FKBP8: variants seen among roughly 807,000 people sequenced by gnomAD.
FKBP8 encodes the protein peptidyl-prolyl cis-trans isomerase FKBP8.
Under a neutral mutation model 41.7 loss-of-function variants are expected in FKBP8, and 5 were observed. The observed-to-expected ratio is 0.12, with a 90% confidence interval of 0.06 to 0.25. The LOEUF is 0.25. FKBP8 is among the 10% of genes least tolerant of loss of function. FKBP8 has a pLI of 1.00. For synonymous variants in FKBP8, 279 were observed against 254.5 expected (o/e 1.10, Z -0.92); for missense variants, 397 against 563.0 (o/e 0.71, Z 2.98).
Position 18,537,400 on chromosome 19 carries a change from C to T in FKBP8, c.945+201G>A, listed in dbSNP as rs968831517. Among the ~76,000 whole-genome samples, 8 of 152,136 alleles carry T rather than the reference C, an allele frequency of 5.3e-5. No homozygotes were observed. The highest frequency in any genetic ancestry group is 1.4e-4 in the African/African-American group (6 of 41,430). On this transcript the variant is annotated intron_variant, in intron 6 of 8. Transcript: ENST00000608443. The surrounding 1 kb of genome is among the most constrained non-coding windows in gnomAD (Gnocchi z 4.4). ...GGCCAAAGGTTGGGGACCCAAGACT[C>T]GAGGATCAAATTCTGGCCTCAGCCA...
At chr19:18,536,789 C>T (rs1389784866) in intron 6 of FKBP8, among the ~76,000 whole-genome samples, 2 of 152,256 alleles carry the variant, frequency 1.3e-5, no homozygotes, top group African/African-American at 4.8e-5. Flanking sequence ...AGGCATGTCA[C>T]CTCCACGTGC....
chr19:18,532,936 A>C lies in FKBP8; in HGVS notation c.1024-141T>G, dbSNP rs1009365661. 2.9e-5 allele frequency: 40 copies of C among 1,377,006 alleles called. No individual in the cohort carries two copies. The South Asian group carries it at 5.6e-4, about 19-fold the overall frequency. 85.3% of individuals were successfully genotyped at this position (1,377,006 alleles called of 1,614,324 possible). On this transcript the variant is annotated intron_variant, in intron 7 of 8. Coordinates refer to ENST00000608443, the MANE Select transcript of FKBP8 (RefSeq NM_012181.5). ...CCATCTGCCCCTTTCTGGGCTTAGC[A>C]AAGTCAGGGCTGCTGACCCCATCCC...
At position 18,531,912 on chromosome 19, in the gene FKBP8, C is replaced by A. The variant is rs540175404; in HGVS notation, c.*257G>T. On this transcript the variant is annotated 3_prime_UTR_variant, in exon 9 of 9. Coordinates refer to ENST00000608443, the MANE Select transcript of FKBP8 (RefSeq NM_012181.5). ...GAGGAGAAACTGAGGCCAGCCCTGGCGGAGACCTAGCCCAGCGGGGTAAGG... is the reference window on the plus strand; with the variant it reads ...GAGGAGAAACTGAGGCCAGCCCTGGAGGAGACCTAGCCCAGCGGGGTAAGG... The A allele has an allele frequency of 5.4e-5, 27 of 501,096 alleles. No individual in the cohort carries two copies. In the South Asian group the frequency reaches 6.1e-4, roughly 11 times the overall value. 31.0% of individuals were successfully genotyped at this position (501,096 alleles called of 1,614,324 possible).
Position 18,531,922 on chromosome 19 carries a change from G to T in FKBP8, c.*247C>A. ...TGAGGCCAGCCCTGGCGGAGACCTAGCCCAGCGGGGTAAGGAGGGTGGGGG... is the reference window on the plus strand; with the variant it reads ...TGAGGCCAGCCCTGGCGGAGACCTATCCCAGCGGGGTAAGGAGGGTGGGGG... On this transcript the variant is annotated 3_prime_UTR_variant, in exon 9 of 9. Transcript: ENST00000608443. 1.9e-6 allele frequency: 1 copy of T among 530,122 alleles called. No homozygotes were observed. The highest frequency in any genetic ancestry group is 3.4e-6 in the Non-Finnish European group (1 of 291,702). The allele number at this position is 530,122 out of a possible 1,614,324, so 32.8% of individuals were successfully genotyped here.
Position 18,533,987 on chromosome 19 carries a change from C to A in FKBP8, c.946-640G>T, listed in dbSNP as rs1455886140. On this transcript the variant is annotated intron_variant, in intron 6 of 8. Transcript: ENST00000608443. ...TCGTGCCACTGCACTCCAGCCTGGG[C>A]GACAGAGTGAGACTCCATCTCAAAA... is the stretch of plus-strand genomic sequence containing the variant. 2.5e-5 allele frequency among the ~76,000 whole-genome samples: 3 copies of A among 119,928 alleles called. No homozygotes were observed. The East Asian group carries it at 7.1e-4, about 28-fold the overall frequency. The allele number at this position is 119,928 out of a possible 152,430, so 78.7% of individuals were successfully genotyped here.
chr19:18,533,256 C>A lies in FKBP8; in HGVS notation c.1023+14G>T. The A allele has an allele frequency of 1.9e-6, 3 of 1,575,500 alleles. No individual in the cohort carries two copies. Among genetic ancestry groups the A allele is most frequent in the East Asian group, 4.6e-5 (2 of 43,558 alleles). ...CCAGCCGAGCAAGTCCCAGGGCACCCCTGTCCTGCTCACCTTGTTGGAAGG... is the reference window on the plus strand; with the variant it reads ...CCAGCCGAGCAAGTCCCAGGGCACCACTGTCCTGCTCACCTTGTTGGAAGG... On this transcript the variant is annotated intron_variant, in intron 7 of 8. Transcript: ENST00000608443.
Position 18,531,947 on chromosome 19 carries a change from G to A in FKBP8, c.*222C>T. On this transcript the variant is annotated 3_prime_UTR_variant, in exon 9 of 9. Coordinates refer to ENST00000608443, the MANE Select transcript of FKBP8 (RefSeq NM_012181.5). ...GCCCAGCGGGGTAAGGAGGGTGGGG[G>A]AAAACTGGGTCTGAAGGAATGAGGG... 1 of 567,252 alleles carries A rather than the reference G, an allele frequency of 1.8e-6. No homozygotes were observed. Among genetic ancestry groups the A allele is most frequent in the Non-Finnish European group, 3.2e-6 (1 of 314,062 alleles). 35.1% of individuals were successfully genotyped at this position (567,252 alleles called of 1,614,324 possible).
chr19:18,538,644 C>CGG lies in FKBP8; in HGVS notation c.552-210_552-209dup, dbSNP rs1412734851. 6.6e-6 allele frequency among the ~76,000 whole-genome samples: 1 copy of CGG among 151,948 alleles called. No individual in the cohort carries two copies. The highest frequency in any genetic ancestry group is 1.5e-5 in the Non-Finnish European group (1 of 67,994). ...CGAACGAGTTCCCCTCCCTAAGCCT[C>CGG]GGTTTTCCTCCTTTTTATTAAGAGA... is the stretch of plus-strand genomic sequence containing the variant. On this transcript the variant is annotated intron_variant, in intron 4 of 8. Coordinates refer to ENST00000608443, the MANE Select transcript of FKBP8 (RefSeq NM_012181.5). The surrounding 1 kb of genome is among the most constrained non-coding windows in gnomAD (Gnocchi z 4.0).
chr19:18,532,388 A>G, intron 8 of FKBP8, 133 bp from the exon 9 acceptor site: 2 of 1,014,918 alleles, frequency 2.0e-6, no homozygotes, highest in Non-Finnish European at 3.0e-6. Context: ...ACTTCCTGGC[A>G]AACTCCTACT....
At chr19:18,534,850 C>T (rs1013661297) in intron 6 of FKBP8, among the ~76,000 whole-genome samples, 7 of 151,804 alleles carry the variant, frequency 4.6e-5, no homozygotes, top group African/African-American at 1.5e-4. Flanking sequence ...TGCAGTGGCA[C>T]GATCTTGGCT....
intron 8 of FKBP8, 172 bp downstream of exon 8, chr19:18,532,492 C>G (rs1276057900): frequency 9.0e-7 from 1 of 1,109,262 alleles, no homozygotes; most frequent in Non-Finnish European, 1.3e-6. Context: ...AGCCCTCCAG[C>G]TTGAGTTCCA....
In FKBP8 at chr19:18,532,279, GAA is replaced by G. The variant is rs1386655972; in HGVS notation, c.1156-26_1156-25del. 7 of 1,581,216 alleles carry G rather than the reference GAA, an allele frequency of 4.4e-6. No homozygotes were observed. The African/African-American group carries it at 9.4e-5, about 21-fold the overall frequency. ...GACTGTGGATAAAAAGGAGGGGAGA[GAA>G]GGGTGGAGGGAGGTCAAGACTGGCC... On this transcript the variant is annotated intron_variant, in intron 8 of 8. Transcript: ENST00000608443.
intron 2 of FKBP8, among the ~76,000 whole-genome samples, chr19:18,540,472 AC>A (rs1267116160): frequency 6.6e-6 from 1 of 151,854 alleles, no homozygotes; most frequent in African/African-American, 2.4e-5. Flanking sequence ...GGTGGCTCAC[AC>A]CTGTAACCCC....
At position 18,532,733 on chromosome 19, in the gene FKBP8, G is replaced by T. The variant is rs527721754; in HGVS notation, c.1086C>A (p.Thr362=). The T allele has an allele frequency of 6.2e-7, 1 of 1,614,144 alleles. No individual in the cohort carries two copies. Among genetic ancestry groups the T allele is most frequent in the Admixed American group, 1.7e-5 (1 of 60,030 alleles). Residue 362 remains threonine (T), a synonymous_variant, in exon 8 of 9, where the codon ACC becomes ACA. Transcript: ENST00000608443. ...TGCCCAGCATTTTCCGGTACAAGGCGGTCTCCGTGCTCCGCTGCGCCGCAT... is the reference window on the plus strand; with the variant it reads ...TGCCCAGCATTTTCCGGTACAAGGCTGTCTCCGTGCTCCGCTGCGCCGCAT... ...KKHAAQRSTE[T]ALYRKMLGNP...
Position 18,543,018 on chromosome 19 carries a change from C to T in FKBP8, c.-26+468G>A, listed in dbSNP as rs1976744801. On this transcript the variant is annotated intron_variant, in intron 1 of 8. Coordinates refer to ENST00000608443, the MANE Select transcript of FKBP8 (RefSeq NM_012181.5). ...ACCCCAACCACCACCGCCCCCAGCA[C>T]GGGCCAGCTCCCCCCACAGCCGCTC... The T allele has an allele frequency of 9.4e-6, 6 of 640,656 alleles. No individual in the cohort carries two copies. In the South Asian group the frequency reaches 1.1e-4, roughly 11 times the overall value. The allele number at this position is 640,656 out of a possible 1,614,324, so 39.7% of individuals were successfully genotyped here.
intron 6 of FKBP8, among the ~76,000 whole-genome samples, chr19:18,534,465 G>A (rs1025195576): frequency 4.6e-5 from 7 of 152,130 alleles, no homozygotes; most frequent in South Asian, 2.1e-4. Flanking sequence ...ATTGGTCCCC[G>A]CAACATGCTC....
Position 18,537,232 on chromosome 19 carries a change from G to A in FKBP8, c.945+369C>T, listed in dbSNP as rs1004602423. 5.3e-5 allele frequency among the ~76,000 whole-genome samples: 8 copies of A among 152,130 alleles called. No homozygotes were observed. Among genetic ancestry groups the A allele is most frequent in the African/African-American group, 1.9e-4 (8 of 41,420 alleles). On this transcript the variant is annotated intron_variant, in intron 6 of 8. Coordinates refer to ENST00000608443, the MANE Select transcript of FKBP8 (RefSeq NM_012181.5). This position sits in a 1 kb window ranked among gnomAD's most constrained non-coding sequence, Gnocchi z 4.4. ...TCGCACCTGTAGTCCCAGCTACTTGGGAGGTTGAGGCAGGACAATCGCTTG... is the reference window on the plus strand; with the variant it reads ...TCGCACCTGTAGTCCCAGCTACTTGAGAGGTTGAGGCAGGACAATCGCTTG...
rs146804732 is a variant in FKBP8 at position 18,537,700 on chromosome 19, C to T, written c.846G>A (p.Ser282=). 215 of 1,613,940 alleles carry T rather than the reference C, an allele frequency of 1.3e-4. No individual in the cohort carries two copies. The highest frequency in any genetic ancestry group is 4.8e-4 in the African/African-American group (36 of 75,058). Reference sequence around the variant, plus strand: ...CGCGGTAGTGGTCGAGCTTCAGCTGCGAGGCCGCCAGGTTGTTCAGACACT... The same window carrying T: ...CGCGGTAGTGGTCGAGCTTCAGCTGTGAGGCCGCCAGGTTGTTCAGACACT... ...KVKCLNNLAA[S]QLKLDHYRAA... Residue 282 remains serine (S), a synonymous_variant, in exon 6 of 9, where the codon TCG becomes TCA. Coordinates refer to ENST00000608443, the MANE Select transcript of FKBP8 (RefSeq NM_012181.5). The surrounding 1 kb of genome is among the most constrained non-coding windows in gnomAD (Gnocchi z 4.4).
chr19:18,539,988 T>C (rs1976663338), intron 2 of FKBP8, among the ~76,000 whole-genome samples: 1 of 151,910 alleles, frequency 6.6e-6, no homozygotes, highest in African/African-American at 2.4e-5. Flanking sequence ...TGGTCTGGTT[T>C]TTTTGTTTTT....
Sources: gnomAD v4.1 joint callset for allele counts (sites outside exome capture counted in the v4.1 genomes callset) on GRCh38, gnomAD v4.1.1 for gene constraint, Gnocchi (gnomAD v3.1) non-coding constraint, MANE v1.5 for transcripts, NCBI Gene and HGNC (gene_info 2026-07-23, HGNC 2026-07-21) for gene names.